Variants in HEMK1 observed in about 807,000 individuals in gnomAD.
HEMK1 encodes MTRF1L release factor glutamine methyltransferase.
In HEMK1, 36 loss-of-function variants were observed where a neutral mutation model predicts 47.9. That is an observed-to-expected ratio of 0.75 (90% CI 0.58 to 0.99). HEMK1 has a LOEUF of 0.99. HEMK1 is among the 50% of genes least tolerant of loss of function. The probability of loss-of-function intolerance (pLI) is 0.00; values close to 1 mark genes in which losing one functional copy is unlikely to be tolerated. For synonymous variants in HEMK1, 153 were observed against 165.4 expected, an observed-to-expected ratio of 0.93 and a Z score of 0.57; for missense variants, 383 against 434.5, an observed-to-expected ratio of 0.88 and a Z score of 1.05.
rs769395484 is a variant in HEMK1, at chr3:50,579,826, C to T, written c.771-18C>T. ...ACCCCTTTCTCAGGCTGTCACCTCCCACTGCTTTGCCTTTCAGCTATGAAG... is the reference window on the plus strand; with the variant it reads ...ACCCCTTTCTCAGGCTGTCACCTCCTACTGCTTTGCCTTTCAGCTATGAAG... On this transcript the variant is annotated intron_variant, in intron 8 of 10. Transcript: ENST00000232854. The T allele has an allele frequency of 1.9e-5, 31 of 1,592,168 alleles. No homozygotes were observed. The highest frequency in any genetic ancestry group is 5.1e-5 in the Admixed American group (3 of 59,294).
At chr3:50,575,663 G>C (rs1013346031) in intron 4 of HEMK1, among the ~76,000 whole-genome samples, 2 of 152,292 alleles carry the variant, frequency 1.3e-5, no homozygotes, top group South Asian at 4.1e-4. Flanking sequence ...CCTCTTTTCA[G>C]ATCAGGGAAG....
At chr3:50,573,112 T>G (rs926283021) in intron 4 of HEMK1, among the ~76,000 whole-genome samples, 11 of 152,216 alleles carry the variant, frequency 7.2e-5, no homozygotes, top group African/African-American at 2.7e-4. Flanking sequence ...CTCCTCTCCA[T>G]ATCATGTGGT....
intron 4 of HEMK1, among the ~76,000 whole-genome samples, chr3:50,572,958 G>C (rs2107411829): frequency 6.6e-6 from 1 of 152,354 alleles, no homozygotes. Context: ...CAGGTTCTGA[G>C]AAGGAGTGTT....
At chr3:50,577,257 A>G (rs2227280) in intron 5 of HEMK1, 71 bp downstream of exon 5, 180,853 of 1,510,538 alleles carry the variant, frequency 0.12, 11,676 homozygotes, top group Non-Finnish European at 0.13. Flanking sequence ...TGCTTCCCCC[A>G]CATCCCTCTG....
chr3:50,576,985 C>T (rs1701659314), intron 4 of HEMK1, 67 bp from the exon 5 acceptor site: 1 of 1,591,276 alleles, frequency 6.3e-7, no homozygotes, highest in Non-Finnish European at 8.6e-7. Context: ...ACTGCTTAGG[C>T]CTCTGTACCA....
intron 4 of HEMK1, among the ~76,000 whole-genome samples, chr3:50,573,934 G>A (rs1383720118): frequency 2.0e-5 from 3 of 152,220 alleles, no homozygotes; most frequent in African/African-American, 4.8e-5. Flanking sequence ...CTGTGAGGCT[G>A]TACAGGTTGT....
At chr3:50,577,900 A>G in intron 7 of HEMK1, 25 bp downstream of exon 7, 1 of 1,610,194 alleles carries the variant, frequency 6.2e-7, no homozygotes, top group East Asian at 2.2e-5. Flanking sequence ...ATGTTCCTTG[A>G]GAGAGGGAGA....
chr3:50,574,258 G>C (rs1232500478), intron 4 of HEMK1, among the ~76,000 whole-genome samples: 1 of 152,240 alleles, frequency 6.6e-6, no homozygotes, highest in Admixed American at 6.5e-5. Context: ...CTTGCCGAAA[G>C]AGCCACCAGC....
Position 50,577,119 on chromosome 3 carries a change from C to T in HEMK1, c.482C>T (p.Pro161Leu). ...CATGCTGTGGGATCCCCAGGCAGCCCCCTCATTCTGGAGGTGGGCTGCGGA... is the reference window on the plus strand; with the variant it reads ...CATGCTGTGGGATCCCCAGGCAGCCTCCTCATTCTGGAGGTGGGCTGCGGA... ...RSHAVGSPGS[P>L]LILEVGCGSG... The change falls in exon 5 of 11, where the codon CCC becomes CTC. Residue 161 changes from proline to leucine, a missense_variant. Coordinates refer to ENST00000232854, the MANE Select transcript of HEMK1 (RefSeq NM_016173.5). 1.2e-6 allele frequency: 2 copies of T among 1,613,822 alleles called. No homozygotes were observed. The highest frequency in any genetic ancestry group is 1.7e-6 in the Non-Finnish European group (2 of 1,179,976).
Position 50,586,005 on chromosome 3 carries a change from G to A in HEMK1, c.*5588G>A, listed in dbSNP as rs769347046. 1 of 152,218 alleles carries A rather than the reference G, an allele frequency of 6.6e-6. No individual in the cohort carries two copies. The highest frequency in any genetic ancestry group is 1.5e-5 in the Non-Finnish European group (1 of 68,046). The allele number at this position is 152,218 out of a possible 1,614,324, so 9.4% of individuals were successfully genotyped here. Reference sequence around the variant, plus strand: ...GCCCTCTGGGCCAGGTTTATGGGCAGGTAAGAGTCACATTAGGCCAACTGT... The same window carrying A: ...GCCCTCTGGGCCAGGTTTATGGGCAAGTAAGAGTCACATTAGGCCAACTGT... On this transcript the variant is annotated 3_prime_UTR_variant, in exon 11 of 11. Transcript: ENST00000232854.
At position 50,580,643 on chromosome 3, in the gene HEMK1, G is replaced by T. The variant is rs1215279879; in HGVS notation, c.*226G>T. 3.4e-6 allele frequency: 2 copies of T among 592,810 alleles called. No individual in the cohort carries two copies. Among genetic ancestry groups the T allele is most frequent in the Non-Finnish European group, 6.0e-6 (2 of 333,046 alleles). The allele number at this position is 592,810 out of a possible 1,614,324, so 36.7% of individuals were successfully genotyped here. A position where few individuals can be genotyped will look rare whatever the true frequency, so the allele number is the denominator to read the frequency against. ...TGAAATTGCTGTGGGGGTATCGGGG[G>T]ATATGGCCAGTAAAGTATTGAGAGA... On this transcript the variant is annotated 3_prime_UTR_variant, in exon 11 of 11. Coordinates refer to ENST00000232854, the MANE Select transcript of HEMK1 (RefSeq NM_016173.5).
At chr3:50,569,235 G>A (rs954833040), upstream of HEMK1, 32 of 152,352 alleles carry the variant, frequency 2.1e-4, no homozygotes, top group African/African-American at 7.0e-4. Context: ...CCTTGGGCTG[G>A]AGCCAAATCC....
At chr3:50,573,281 T>C (rs1318160122) in intron 4 of HEMK1, among the ~76,000 whole-genome samples, 1 of 152,234 alleles carries the variant, frequency 6.6e-6, no homozygotes, top group Non-Finnish European at 1.5e-5. Context: ...CACATGGGGC[T>C]GCCCCATCTG....
chr3:50,594,513 C>A lies in HEMK1; in HGVS notation c.*14096C>A, dbSNP rs1260800494. 2.6e-5 allele frequency: 4 copies of A among 152,310 alleles called. No individual in the cohort carries two copies. Among genetic ancestry groups the A allele is most frequent in the African/African-American group, 7.2e-5 (3 of 41,462 alleles). The allele number at this position is 152,310 out of a possible 1,614,324, so 9.4% of individuals were successfully genotyped here. ...AGGAATGGGCACTATTCAGGCAGGC[C>A]CCCATCACAGTCTGGTGGGGTCCAA... On this transcript the variant is annotated 3_prime_UTR_variant, in exon 11 of 11. Transcript: ENST00000232854.
intron 4 of HEMK1, among the ~76,000 whole-genome samples, chr3:50,576,461 G>A (rs914309768): frequency 2.6e-5 from 4 of 152,136 alleles, no homozygotes; most frequent in Non-Finnish European, 5.9e-5. Context: ...GTGCAGTGGC[G>A]CGATCCTGAT....
chr3:50,580,975 G>A lies in HEMK1; in HGVS notation c.*558G>A, dbSNP rs1024715844. 11 of 155,514 alleles carry A rather than the reference G, an allele frequency of 7.1e-5. No individual in the cohort carries two copies. Among genetic ancestry groups the A allele is most frequent in the Non-Finnish European group, 9.9e-5 (7 of 70,380 alleles). The allele number at this position is 155,514 out of a possible 1,614,324, so 9.6% of individuals were successfully genotyped here. A position where few individuals can be genotyped will look rare whatever the true frequency, so the allele number is the denominator to read the frequency against. ...GCTCGAGCACAGGAAGCTCATCTGC[G>A]TTTTGGCTCAAGGATGACTGCCTGC... On this transcript the variant is annotated 3_prime_UTR_variant, in exon 11 of 11. Coordinates refer to ENST00000232854, the MANE Select transcript of HEMK1 (RefSeq NM_016173.5).
intron 8 of HEMK1, 64 bp downstream of exon 8, chr3:50,578,990 C>T (rs913526281): frequency 1.4e-5 from 17 of 1,209,256 alleles, no homozygotes; most frequent in Non-Finnish European, 1.6e-5. Context: ...AGTCTGCCCT[C>T]GAGGACCACA....
chr3:50,582,492 C>T lies in HEMK1; in HGVS notation c.*2075C>T, dbSNP rs73086952. ...CCCCTCACGAGGATGTGACCTTGGGCAGATGACTTCACCTCACTCAGCCTT... is the reference window on the plus strand; with the variant it reads ...CCCCTCACGAGGATGTGACCTTGGGTAGATGACTTCACCTCACTCAGCCTT... On this transcript the variant is annotated 3_prime_UTR_variant, in exon 11 of 11. Coordinates refer to ENST00000232854, the MANE Select transcript of HEMK1 (RefSeq NM_016173.5). 848 of 152,372 alleles carry T rather than the reference C, an allele frequency of 5.6e-3. 2 individuals are homozygous for T. Among genetic ancestry groups the T allele is most frequent in the Admixed American group, 9.6e-3 (147 of 15,300 alleles). The allele number at this position is 152,372 out of a possible 1,614,324, so 9.4% of individuals were successfully genotyped here.
At chr3:50,580,064 G>A (rs2030550008) in intron 9 of HEMK1, 52 bp from the exon 10 acceptor site, 2 of 1,562,802 alleles carry the variant, frequency 1.3e-6, no homozygotes, top group Admixed American at 3.3e-5. Context: ...CAGCCCAGAA[G>A]GGCAGGCGCC....
Sources: gnomAD v4.1 joint callset for allele counts (sites outside exome capture counted in the v4.1 genomes callset) on GRCh38, gnomAD v4.1.1 for gene constraint, MANE v1.5 for transcripts, NCBI Gene and HGNC (gene_info 2026-07-23, HGNC 2026-07-21) for gene names.